ZNF723: variants seen among roughly 807,000 people sequenced by gnomAD.
ZNF723 encodes zinc finger protein 723, pseudogene.
In ZNF723, 5 loss-of-function variants were observed where a neutral mutation model predicts 9.4. The ratio of observed to expected loss-of-function variants is 0.53; its 90% CI spans 0.28 to 1.12. The LOEUF is 1.12. Ranked by LOEUF, ZNF723 falls within the 50% of genes most tolerant of loss-of-function variation. The probability of loss-of-function intolerance (pLI) is 0.10; values close to 1 mark genes in which losing one functional copy is unlikely to be tolerated. For synonymous variants in ZNF723, 158 were observed against 168.8 expected, an observed-to-expected ratio of 0.94 and a Z score of 0.49; for missense variants, 450 against 501.5, an observed-to-expected ratio of 0.90 and a Z score of 0.98.
the ZNF723 span, among the ~76,000 whole-genome samples, chr19:22,821,127 C>A: frequency 1.3e-5 from 2 of 152,188 alleles, no homozygotes; most frequent in Admixed American, 6.5e-5. Flanking sequence ...AAGACGGTGA[C>A]TCATGTACTT....
At chr19:22,848,975 G>A (rs577791093) in intron 2 of ZNF723, among the ~76,000 whole-genome samples, 3 of 152,040 alleles carry the variant, frequency 2.0e-5, no homozygotes, top group East Asian at 1.9e-4. Flanking sequence ...GGCTGGTCTC[G>A]AACTTCTGAC....
chr19:22,844,277 TCA>T (rs1967281408), intron 1 of ZNF723, among the ~76,000 whole-genome samples: 1 of 143,790 alleles, frequency 7.0e-6, no homozygotes, highest in Non-Finnish European at 1.5e-5. Context: ...GCTCCACTAG[TCA>T]CACAAAAAAA....
At chr19:22,854,349 G>C (rs62120772) in intron 3 of ZNF723, among the ~76,000 whole-genome samples, 31,984 of 151,964 alleles carry the variant, frequency 0.21, 4,007 homozygotes, top group African/African-American at 0.35. Context: ...CATAGAATGT[G>C]TATGTCCGTC....
intron 1 of ZNF723, among the ~76,000 whole-genome samples, chr19:22,846,150 A>T (rs1486449544): frequency 1.3e-5 from 2 of 151,942 alleles, no homozygotes; most frequent in Non-Finnish European, 2.9e-5. Flanking sequence ...TTAATTTATG[A>T]TCTGCAGTAT....
intron 1 of ZNF723, among the ~76,000 whole-genome samples, chr19:22,834,652 G>A (rs1398004892): frequency 3.9e-5 from 6 of 152,206 alleles, no homozygotes; most frequent in African/African-American, 1.4e-4. Flanking sequence ...CCCTGGGGCT[G>A]AGAGGCATCT....
chr19:22,855,717 A>T (rs1327142495), intron 3 of ZNF723, among the ~76,000 whole-genome samples: 1 of 152,108 alleles, frequency 6.6e-6, no homozygotes, highest in African/African-American at 2.4e-5. Flanking sequence ...CAGGACTTTG[A>T]CTATATCACA....
chr19:22,844,222 A>G (rs1967280898), intron 1 of ZNF723, among the ~76,000 whole-genome samples: 1 of 152,232 alleles, frequency 6.6e-6, no homozygotes, highest in African/African-American at 2.4e-5. Flanking sequence ...GTGCTTGCAG[A>G]TTCCATTTAG....
At chr19:22,853,154 T>G in intron 3 of ZNF723, among the ~76,000 whole-genome samples, 1 of 152,128 alleles carries the variant, frequency 6.6e-6, no homozygotes, top group East Asian at 1.9e-4. Flanking sequence ...ATATATGTGC[T>G]GCATTCTCTT....
the ZNF723 span, among the ~76,000 whole-genome samples, chr19:22,824,054 C>A: frequency 2.6e-5 from 4 of 152,210 alleles, no homozygotes; most frequent in Non-Finnish European, 4.4e-5. Flanking sequence ...GCTGCCTGGC[C>A]CCTGCCAACA....
At chr19:22,841,857 AATCTAGGTCTTGAG>A (rs1398447859) in intron 1 of ZNF723, among the ~76,000 whole-genome samples, 1 of 152,184 alleles carries the variant, frequency 6.6e-6, no homozygotes, top group Non-Finnish European at 1.5e-5. Flanking sequence ...CCAAATTCTG[AATCTAGGTCTTGAG>A]ATCTGGGAAC....
At chr19:22,830,531 A>C (rs1599468492), upstream of ZNF723, among the ~76,000 whole-genome samples, 1 of 152,124 alleles carries the variant, frequency 6.6e-6, no homozygotes, top group African/African-American at 2.4e-5. Context: ...ATCTAAAAAA[A>C]AAAAATCCAG....
intron 1 of ZNF723, 22 bp from the exon 2 acceptor site, chr19:22,848,239 T>C (rs531536082): frequency 4.4e-6 from 4 of 917,594 alleles, no homozygotes; most frequent in Non-Finnish European, 6.8e-6. Flanking sequence ...TGTGTGTATG[T>C]GTGTGTGTGT....
chr19:22,851,397 C>T (rs1199965675), intron 3 of ZNF723, among the ~76,000 whole-genome samples: 1 of 152,040 alleles, frequency 6.6e-6, no homozygotes. Context: ...GTCTTGAATT[C>T]CTGATGTCAG....
chr19:22,844,758 G>A (rs1251899797), intron 1 of ZNF723, among the ~76,000 whole-genome samples: 4 of 152,186 alleles, frequency 2.6e-5, no homozygotes, highest in Admixed American at 2.6e-4. Flanking sequence ...TCTGTGCTGT[G>A]CCTGCTTTCT....
At chr19:22,813,734 C>T in the ZNF723 span, among the ~76,000 whole-genome samples, 1 of 151,896 alleles carries the variant, frequency 6.6e-6, no homozygotes, top group Non-Finnish European at 1.5e-5. Flanking sequence ...GAGTGAGACT[C>T]CGTCTCAAAA....
chr19:22,845,889 C>CTTTTTTTTTTTTTTTTTTT (rs1214348571), intron 1 of ZNF723, among the ~76,000 whole-genome samples: 11 of 124,390 alleles, frequency 8.8e-5, no homozygotes, highest in African/African-American at 3.4e-4. Context: ...AAAAATATGC[C>CTTTTTTTTTTTTTTTTTTT]TTTTTTTTTT....
At chr19:22,840,333 G>A (rs1967226098) in intron 1 of ZNF723, 1 of 140,182 alleles carries the variant, frequency 7.1e-6, no homozygotes, top group Admixed American at 6.9e-5. Context: ...CACCATGCCT[G>A]GCTAATTTTG....
chr19:22,822,509 T>C, the ZNF723 span, among the ~76,000 whole-genome samples: 2 of 152,210 alleles, frequency 1.3e-5, no homozygotes, highest in Non-Finnish European at 2.9e-5. Context: ...CTCATGCATG[T>C]TGTATGATCC....
intron 3 of ZNF723, among the ~76,000 whole-genome samples, chr19:22,851,708 C>A (rs12972095): frequency 0.2 from 30,416 of 152,016 alleles, 3,555 homozygotes; most frequent in African/African-American, 0.32. Context: ...TGGTGATGAA[C>A]TCCCTCACTT....
Sources: gnomAD v4.1 joint callset for allele counts (sites outside exome capture counted in the v4.1 genomes callset) on GRCh38, gnomAD v4.1.1 for gene constraint, MANE v1.5 for transcripts, NCBI Gene and HGNC (gene_info 2026-07-23, HGNC 2026-07-21) for gene names.